Variants in FAAH2 observed in about 807,000 individuals in gnomAD.
FAAH2 encodes fatty-acid amide hydrolase 2.
In FAAH2, 60 loss-of-function variants were observed where a neutral mutation model predicts 36.9. The observed-to-expected ratio is 1.63, with a 90% CI of 1.32 to 2.02. The LOEUF is 2.02. FAAH2 is among the 30% of genes most tolerant of loss of function. The pLI is 0.00. For missense variants in FAAH2, 689 were observed against 397.5 expected (o/e 1.73, Z -6.23); for synonymous variants, 214 against 143.8 (o/e 1.49, Z -3.49).
intron 7 of FAAH2, among the ~76,000 whole-genome samples, chrX:57,385,194 G>A (rs1056154295): frequency 9.3e-6 from 1 of 107,906 alleles, no homozygotes; most frequent in African/African-American, 3.4e-5. Context: ...ATGAGTTAAT[G>A]GGTGCAGCAC....
intron 7 of FAAH2, among the ~76,000 whole-genome samples, chrX:57,418,923 T>C (rs1389310660): frequency 1.1e-5 from 1 of 92,882 alleles, no homozygotes; most frequent in Non-Finnish European, 2.1e-5. Context: ...TGTGTCCATG[T>C]GTTCTCGTTG....
rs147344661 is a variant in FAAH2, at chrX:57,405,125, G to A, written c.996+24096G>A. ...GGTATTTTCCTCCAATTCTAAGGAAGGATAGGACAGAATAGCAAGCAAAAG... is the reference window on the plus strand; with the variant it reads ...GGTATTTTCCTCCAATTCTAAGGAAAGATAGGACAGAATAGCAAGCAAAAG... On this transcript the variant is annotated intron_variant, in intron 7 of 10. Coordinates refer to ENST00000374900, the MANE Select transcript of FAAH2 (RefSeq NM_174912.4). 4.5e-3 allele frequency among the ~76,000 whole-genome samples: 505 copies of A among 111,783 alleles called. 2 individuals carry two copies. Among genetic ancestry groups the A allele is most frequent in the Non-Finnish European group, 8.2e-3 (434 of 53,112 alleles).
At chrX:57,190,468 T>C in the FAAH2 span, among the ~76,000 whole-genome samples, 267 of 107,180 alleles carry the variant, frequency 2.5e-3, 1 homozygote, top group African/African-American at 8.2e-3. Context: ...AAAAAACTTC[T>C]GCAGCTAGCT....
intron 2 of FAAH2, among the ~76,000 whole-genome samples, chrX:57,299,790 C>G (rs2052282545): frequency 8.9e-6 from 1 of 111,869 alleles, no homozygotes; most frequent in Admixed American, 9.5e-5. Flanking sequence ...ACAAAAATCA[C>G]AAGCATTCTT....
intron 5 of FAAH2, among the ~76,000 whole-genome samples, chrX:57,352,761 AG>A (rs1347220900): frequency 9.0e-6 from 1 of 111,525 alleles, no homozygotes; most frequent in Non-Finnish European, 1.9e-5. Flanking sequence ...AATTCAGGAA[AG>A]GTTCAAGATA....
chrX:57,215,044 T>A, the FAAH2 span, among the ~76,000 whole-genome samples: 2 of 107,798 alleles, frequency 1.9e-5, no homozygotes, highest in Non-Finnish European at 3.8e-5. Context: ...GTGAGAAAAA[T>A]TTTGCAATCT....
intron 10 of FAAH2, among the ~76,000 whole-genome samples, chrX:57,480,336 C>G (rs773719702): frequency 8.9e-6 from 1 of 111,826 alleles, no homozygotes; most frequent in South Asian, 3.7e-4. Flanking sequence ...CCAATATCCT[C>G]GATGAACATT....
At chrX:57,478,510 T>C (rs1190855469) in intron 10 of FAAH2, among the ~76,000 whole-genome samples, 3 of 111,883 alleles carry the variant, frequency 2.7e-5, no homozygotes, top group Non-Finnish European at 5.6e-5. Context: ...CATTTGTCAA[T>C]TTTGGCTTTT....
chrX:57,263,051 G>A, the FAAH2 span, among the ~76,000 whole-genome samples: 39,836 of 109,472 alleles, frequency 0.36, 6,261 homozygotes, highest in Middle Eastern at 0.62. Flanking sequence ...TAGGAAACAG[G>A]CAAAAATTTT....
chrX:57,464,063 C>A lies in FAAH2; in HGVS notation c.1423+15345C>A, dbSNP rs904625564. ...TGTTGCACATATACACCATAAAGTA[C>A]TATGCAGCCATAAAAATGAATTAGT... On this transcript the variant is annotated intron_variant, in intron 10 of 10. Coordinates refer to ENST00000374900, the MANE Select transcript of FAAH2 (RefSeq NM_174912.4). Among the ~76,000 whole-genome samples the A allele has an allele frequency of 1.1e-4, 12 of 112,188 alleles. No homozygotes were observed. The Admixed American group carries it at 1.1e-3, about 11-fold the overall frequency.
the FAAH2 span, among the ~76,000 whole-genome samples, chrX:57,122,322 A>G: frequency 1.8e-5 from 2 of 111,809 alleles, no homozygotes; most frequent in African/African-American, 3.3e-5. Context: ...TTCAACAAAT[A>G]TTTATTGAGC....
chrX:57,199,958 A>G, the FAAH2 span, among the ~76,000 whole-genome samples: 1 of 110,391 alleles, frequency 9.1e-6, no homozygotes, highest in Admixed American at 9.6e-5. Context: ...TAATTTTTTT[A>G]TTTTCAGTTT....
intron 10 of FAAH2, among the ~76,000 whole-genome samples, chrX:57,449,857 G>A (rs1317795348): frequency 2.7e-5 from 3 of 111,385 alleles, no homozygotes; most frequent in African/African-American, 6.5e-5. Flanking sequence ...AGTAGAGACA[G>A]GTTTCACCAT....
chrX:57,391,388 C>T (rs1404330069), intron 7 of FAAH2, among the ~76,000 whole-genome samples: 1 of 110,697 alleles, frequency 9.0e-6, no homozygotes, highest in Non-Finnish European at 1.9e-5. Context: ...TAAATTATTT[C>T]CCTCAATGTC....
chrX:57,157,659 A>G, the FAAH2 span, among the ~76,000 whole-genome samples: 1 of 111,456 alleles, frequency 9.0e-6, no homozygotes, highest in African/African-American at 3.3e-5. Context: ...TCTTATATTT[A>G]TGTTAAAACC....
chrX:57,235,554 A>T, the FAAH2 span, among the ~76,000 whole-genome samples: 1 of 112,374 alleles, frequency 8.9e-6, no homozygotes, highest in Non-Finnish European at 1.9e-5. Flanking sequence ...ATATGGAAAC[A>T]TATATGAATT....
rs187169401 is a variant in FAAH2 at position 57,461,445 on chromosome X, C to A, written c.1423+12727C>A. On this transcript the variant is annotated intron_variant, in intron 10 of 10. Coordinates refer to ENST00000374900, the MANE Select transcript of FAAH2 (RefSeq NM_174912.4). ...AAATGCAAAAGATTGGAAATCATAA[C>A]AAAGTCTCACAGAACACAGTGCAAT... Among the ~76,000 whole-genome samples, 10 of 111,793 alleles carry A rather than the reference C, an allele frequency of 8.9e-5. No homozygotes were observed. In the East Asian group the frequency reaches 2.3e-3, roughly 25 times the overall value.
intron 7 of FAAH2, among the ~76,000 whole-genome samples, chrX:57,385,674 A>T (rs2055001654): frequency 8.9e-6 from 1 of 112,140 alleles, no homozygotes. Flanking sequence ...TTTGGAGGCG[A>T]TCTATTCAAA....
chrX:57,132,253 C>T, the FAAH2 span, among the ~76,000 whole-genome samples: 1 of 112,034 alleles, frequency 8.9e-6, no homozygotes, highest in Non-Finnish European at 1.9e-5. Context: ...TGGCCCATTG[C>T]CAAAATAACA....
Sources: gnomAD v4.1 joint callset for allele counts (sites outside exome capture counted in the v4.1 genomes callset) on GRCh38, gnomAD v4.1.1 for gene constraint, MANE v1.5 for transcripts, NCBI Gene and HGNC (gene_info 2026-07-23, HGNC 2026-07-21) for gene names.